The following CORO2B variants were observed in gnomAD, a reference collection of about 807,000 sequenced individuals.
The protein encoded by CORO2B is coronin-2B.
Under a neutral mutation model 58.8 loss-of-function variants are expected in CORO2B, and 26 were observed. The ratio of observed to expected loss-of-function variants is 0.44; its 90% confidence interval spans 0.32 to 0.61. The LOEUF is 0.61. Ranked by LOEUF, CORO2B falls within the 20% of genes least tolerant of loss-of-function variation. The probability of loss-of-function intolerance (pLI) is 0.04; values close to 1 mark genes in which losing one functional copy is unlikely to be tolerated. For synonymous variants in CORO2B, 242 were observed against 253.8 expected, an observed-to-expected ratio of 0.95 and a Z score of 0.44; for missense variants, 460 against 645.1, an observed-to-expected ratio of 0.71 and a Z score of 3.11.
At chr15:68,555,764 G>A in the CORO2B span, among the ~76,000 whole-genome samples, 1 of 151,832 alleles carries the variant, frequency 6.6e-6, no homozygotes, top group African/African-American at 2.4e-5. Flanking sequence ...AAGTCTGGGG[G>A]AAGTGGCCCC....
the CORO2B span, among the ~76,000 whole-genome samples, chr15:68,525,101 TCAGA>T: frequency 7.9e-5 from 12 of 152,172 alleles, 1 homozygote; most frequent in African/African-American, 2.9e-4. Flanking sequence ...TCTGCCACTC[TCAGA>T]CAGGCAGCTT....
chr15:68,723,981 C>T (rs1176408276), intron 11 of CORO2B, among the ~76,000 whole-genome samples: 1 of 151,920 alleles, frequency 6.6e-6, no homozygotes, highest in African/African-American at 2.4e-5. Context: ...GAGGGTGGAT[C>T]ACTTGAGGCC....
At chr15:68,707,759 CA>C (rs796190318) in intron 3 of CORO2B, among the ~76,000 whole-genome samples, 10 of 152,344 alleles carry the variant, frequency 6.6e-5, no homozygotes, top group African/African-American at 2.4e-4. Context: ...CACCTTTCTA[CA>C]GTACATTTGG....
intron 2 of CORO2B, among the ~76,000 whole-genome samples, chr15:68,681,636 G>T (rs1251697581): frequency 1.3e-5 from 2 of 152,128 alleles, no homozygotes; most frequent in East Asian, 3.9e-4. Flanking sequence ...AAAGAATAAG[G>T]TTAGAGGGCA....
Position 68,597,565 on chromosome 15 carries a change from T to G in CORO2B, c.15+18288T>G, listed in dbSNP as rs1899867512. Reference sequence around the variant, plus strand: ...CCATGCTGTTAACTGCCTGGCTGTTTGGCCTCTCAAAAGCATTGCATTTAG... The same window carrying G: ...CCATGCTGTTAACTGCCTGGCTGTTGGGCCTCTCAAAAGCATTGCATTTAG... On this transcript the variant is annotated intron_variant, in intron 1 of 11. Transcript: ENST00000261861. 2.0e-5 allele frequency among the ~76,000 whole-genome samples: 3 copies of G among 151,844 alleles called. No homozygotes were observed. The South Asian group carries it at 6.2e-4, about 32-fold the overall frequency.
At chr15:68,614,664 C>G (rs1453074403) in intron 1 of CORO2B, among the ~76,000 whole-genome samples, 1 of 152,134 alleles carries the variant, frequency 6.6e-6, no homozygotes, top group African/African-American at 2.4e-5. Flanking sequence ...CTGGAAAGTG[C>G]CTGGGAGGAT....
At position 68,726,343 on chromosome 15, in the gene CORO2B, G is replaced by C; in HGVS notation, c.*369G>C. On this transcript the variant is annotated 3_prime_UTR_variant, in exon 12 of 12. Transcript: ENST00000261861. ...GACTTAGAACTTGGACTTTTCCCCT[G>C]TGAAGGGGGCTGCCAGGACATCTCA... is the stretch of plus-strand genomic sequence containing the variant. 3.4e-6 allele frequency: 1 copy of C among 293,516 alleles called. No homozygotes were observed. The highest frequency in any genetic ancestry group is 3.0e-5 in the South Asian group (1 of 33,526). 18.2% of individuals were successfully genotyped at this position (293,516 alleles called of 1,614,324 possible).
intron 2 of CORO2B, among the ~76,000 whole-genome samples, chr15:68,670,919 A>G (rs899578692): frequency 3.9e-5 from 6 of 152,226 alleles, no homozygotes; most frequent in Non-Finnish European, 7.3e-5. Flanking sequence ...GCATTTTTTT[A>G]AAGTGCAGAT....
the CORO2B span, among the ~76,000 whole-genome samples, chr15:68,539,791 T>C: frequency 6.6e-6 from 1 of 152,224 alleles, no homozygotes; most frequent in Non-Finnish European, 1.5e-5. Context: ...ATCAAAGTAT[T>C]TGTATTGTCC....
chr15:68,606,486 C>T (rs1210459264), intron 1 of CORO2B, among the ~76,000 whole-genome samples: 1 of 152,184 alleles, frequency 6.6e-6, no homozygotes, highest in African/African-American at 2.4e-5. Context: ...TGACTTATAG[C>T]ACATGTAAGT....
chr15:68,583,722 C>T (rs1472085979), intron 1 of CORO2B, among the ~76,000 whole-genome samples: 1 of 152,194 alleles, frequency 6.6e-6, no homozygotes, highest in Non-Finnish European at 1.5e-5. Context: ...TCTAGGTACC[C>T]AGGAGATACC....
At chr15:68,553,122 G>A in the CORO2B span, among the ~76,000 whole-genome samples, 2 of 152,226 alleles carry the variant, frequency 1.3e-5, no homozygotes, top group African/African-American at 4.8e-5. Context: ...ATGTGGATGT[G>A]TACAACAAAG....
intron 1 of CORO2B, among the ~76,000 whole-genome samples, chr15:68,584,814 G>A (rs1899511519): frequency 1.3e-5 from 2 of 152,186 alleles, no homozygotes; most frequent in African/African-American, 2.4e-5. Context: ...TGCAGCCTGG[G>A]GAGCTTGGGG....
At chr15:68,538,927 G>A in the CORO2B span, among the ~76,000 whole-genome samples, 1 of 152,210 alleles carries the variant, frequency 6.6e-6, no homozygotes, top group Non-Finnish European at 1.5e-5. Context: ...GTTGGCTAAA[G>A]TCCTGAGGTG....
Position 68,599,837 on chromosome 15 carries a change from C to T in CORO2B, c.15+20560C>T, listed in dbSNP as rs184718887. On this transcript the variant is annotated intron_variant, in intron 1 of 11. Coordinates refer to ENST00000261861, the MANE Select transcript of CORO2B (RefSeq NM_006091.5). The stretch of plus-strand genomic sequence containing the variant: ...AAAATTAATCTTGTCTAATTGTGCT[C>T]GAGGCCTGAGTGAATTCAGGGACTA... Among the ~76,000 whole-genome samples the T allele has an allele frequency of 5.3e-5, 8 of 152,298 alleles. No homozygotes were observed. The East Asian group carries it at 1.2e-3, about 22-fold the overall frequency.
the CORO2B span, among the ~76,000 whole-genome samples, chr15:68,557,427 G>T: frequency 6.6e-6 from 1 of 152,042 alleles, no homozygotes; most frequent in Non-Finnish European, 1.5e-5. Context: ...GAGGTTAAGG[G>T]GTCAATCTAT....
At chr15:68,592,873 A>G (rs1349538551) in intron 1 of CORO2B, among the ~76,000 whole-genome samples, 1 of 152,208 alleles carries the variant, frequency 6.6e-6, no homozygotes, top group Non-Finnish European at 1.5e-5. Context: ...TGAGGTTTAA[A>G]TGCCTGTTTC....
intron 8 of CORO2B, among the ~76,000 whole-genome samples, chr15:68,715,925 G>T (rs1893021805): frequency 6.6e-6 from 1 of 152,074 alleles, no homozygotes; most frequent in South Asian, 2.1e-4. Flanking sequence ...CTATATTTCG[G>T]GTCCAAATCA....
the CORO2B span, among the ~76,000 whole-genome samples, chr15:68,536,576 C>A: frequency 1.3e-5 from 2 of 152,186 alleles, no homozygotes; most frequent in African/African-American, 4.8e-5. Flanking sequence ...AGAATCTTAG[C>A]CTTTGCAAAG....
Sources: allele counts gnomAD v4.1 joint callset (sites outside exome capture counted in the v4.1 genomes callset), GRCh38; gene constraint gnomAD v4.1.1; transcripts MANE v1.5; gene names NCBI Gene and HGNC (gene_info 2026-07-23, HGNC 2026-07-21).